AFF3: variants seen among roughly 807,000 people sequenced by gnomAD.
AFF3 encodes the protein AF4/FMR2 family member 3.
In AFF3, 32 loss-of-function variants were observed where a neutral mutation model predicts 129.7. The observed-to-expected ratio is 0.25, with a 90% CI of 0.19 to 0.33. The LOEUF (loss-of-function observed/expected upper bound fraction) is 0.33. AFF3 is among the 10% of genes least tolerant of loss of function. The probability of loss-of-function intolerance (pLI) is 1.00; values close to 1 mark genes in which losing one functional copy is unlikely to be tolerated. For synonymous variants in AFF3, 644 were observed against 635.4 expected (o/e 1.01, Z -0.20); for missense variants, 1,373 against 1,592.0 (o/e 0.86, Z 2.34).
intron 7 of AFF3, among the ~76,000 whole-genome samples, chr2:99,939,077 CTT>C (rs1046942549): frequency 5.9e-5 from 9 of 152,322 alleles, no homozygotes; most frequent in South Asian, 2.1e-4. Context: ...CTCTCTCTCT[CTT>C]GGTCTGACAT....
chr2:99,898,917 C>A (rs1694170044), intron 7 of AFF3, among the ~76,000 whole-genome samples: 1 of 152,208 alleles, frequency 6.6e-6, no homozygotes, highest in Non-Finnish European at 1.5e-5. Context: ...CTCCTCCCCA[C>A]CAGCAGCCCA....
intron 11 of AFF3, among the ~76,000 whole-genome samples, chr2:99,705,893 A>AAC (rs1440221374): frequency 1.3e-5 from 2 of 151,306 alleles, no homozygotes; most frequent in African/African-American, 4.9e-5. Context: ...AAAAAAAAAA[A>AAC]AAAAAAACAC....
At chr2:99,565,851 T>C (rs1227751428) in intron 19 of AFF3, among the ~76,000 whole-genome samples, 1 of 152,210 alleles carries the variant, frequency 6.6e-6, no homozygotes, top group Non-Finnish European at 1.5e-5. Flanking sequence ...ATCAAACCCA[T>C]GTGACAGCTG....
intron 11 of AFF3, among the ~76,000 whole-genome samples, chr2:99,710,405 C>T (rs112134876): frequency 0.046 from 7,046 of 152,104 alleles, 292 homozygotes; most frequent in Non-Finnish European, 0.062. Flanking sequence ...TACAGGCGTG[C>T]GCTACCATGC....
intron 7 of AFF3, among the ~76,000 whole-genome samples, chr2:99,873,728 G>T (rs1213032058): frequency 5.0e-5 from 7 of 138,824 alleles, no homozygotes; most frequent in South Asian, 2.3e-4. Context: ...CATCTTAGTG[G>T]TTTTTTTTTT....
chr2:99,722,335 T>G (rs1401370120), intron 11 of AFF3, among the ~76,000 whole-genome samples: 1 of 152,256 alleles, frequency 6.6e-6, no homozygotes, highest in Non-Finnish European at 1.5e-5. Context: ...CACTGTAAAT[T>G]TTGTTTTAGA....
At chr2:99,762,010 G>A (rs983943196) in intron 8 of AFF3, among the ~76,000 whole-genome samples, 1 of 151,614 alleles carries the variant, frequency 6.6e-6, no homozygotes, top group African/African-American at 2.4e-5. Flanking sequence ...TTCCTTTCAC[G>A]TTATTCCATC....
chr2:99,908,130 G>A (rs1383447907), intron 7 of AFF3, among the ~76,000 whole-genome samples: 3 of 152,162 alleles, frequency 2.0e-5, no homozygotes, highest in African/African-American at 7.2e-5. Context: ...ACCAATAACT[G>A]GTCACCTATT....
intron 8 of AFF3, among the ~76,000 whole-genome samples, chr2:99,768,277 C>T (rs893225095): frequency 3.3e-5 from 5 of 152,096 alleles, no homozygotes; most frequent in African/African-American, 1.2e-4. Flanking sequence ...TGAAACCCCC[C>T]AGGATCCTAA....
chr2:99,891,973 C>T lies in AFF3; in HGVS notation c.874-54449G>A, dbSNP rs1020381600. Among the ~76,000 whole-genome samples, 3 of 152,302 alleles carry T rather than the reference C, an allele frequency of 2.0e-5. No homozygotes were observed. In the South Asian group the frequency reaches 6.2e-4, roughly 32 times the overall value. On this transcript the variant is annotated intron_variant, in intron 7 of 24. Coordinates refer to ENST00000672756, the MANE Select transcript of AFF3 (RefSeq NM_001386135.1). ...GAGTAGCTGGGACTACAGGCACCCG[C>T]CACCATGCCCGGCTCATTTTTTGTA...
At chr2:99,693,430 T>C (rs1048436397) in intron 11 of AFF3, among the ~76,000 whole-genome samples, 4 of 152,204 alleles carry the variant, frequency 2.6e-5, no homozygotes, top group Non-Finnish European at 5.9e-5. Flanking sequence ...GTTGATATAC[T>C]ATTAGGATTT....
intron 10 of AFF3, among the ~76,000 whole-genome samples, chr2:99,740,542 T>C (rs1188415454): frequency 1.3e-5 from 2 of 148,742 alleles, no homozygotes; most frequent in African/African-American, 4.9e-5. Flanking sequence ...GTGGTTTTGA[T>C]TTGCATTTCT....
intron 4 of AFF3, among the ~76,000 whole-genome samples, chr2:100,053,549 A>G (rs1162243760): frequency 6.6e-6 from 1 of 152,236 alleles, no homozygotes; most frequent in African/African-American, 2.4e-5. Context: ...ATGTATAAGA[A>G]GCACCTAGAA....
chr2:99,884,762 C>G (rs1245410076), intron 7 of AFF3, among the ~76,000 whole-genome samples: 1 of 151,588 alleles, frequency 6.6e-6, no homozygotes, highest in East Asian at 1.9e-4. Flanking sequence ...TATGTCTATA[C>G]CACTCATCCA....
In AFF3 at chr2:100,066,973, A is replaced by G. The variant is rs1307705865; in HGVS notation, c.53+37429T>C. ...GGGACAGATATTTGGAGAACCTGAC[A>G]AAAGTCTGAGAGCTTCTACAAACAC... On this transcript the variant is annotated intron_variant, in intron 4 of 24. Transcript: ENST00000672756. Among the ~76,000 whole-genome samples, 6 of 152,328 alleles carry G rather than the reference A, an allele frequency of 3.9e-5. No individual in the cohort carries two copies. In the East Asian group the frequency reaches 1.2e-3, roughly 29 times the overall value.
intron 1 of AFF3, among the ~76,000 whole-genome samples, chr2:100,132,953 G>A (rs944672803): frequency 3.3e-5 from 5 of 150,700 alleles, no homozygotes; most frequent in African/African-American, 9.7e-5. Flanking sequence ...TTTTAGATAC[G>A]GGGTTTTGCT....
rs114532707 is a variant in AFF3, at chr2:99,828,317, G to C, written c.921+9160C>G. 7.9e-3 allele frequency among the ~76,000 whole-genome samples: 1,196 copies of C among 152,318 alleles called. 15 individuals carry two copies. Among genetic ancestry groups the C allele is most frequent in the African/African-American group, 0.027 (1,126 of 41,568 alleles). Reference sequence around the variant, plus strand: ...GGAATAAGTTACCCTTCAAGGAAGAGAGCATAGTTTGGTTACTGTGATCCT... The same window carrying C: ...GGAATAAGTTACCCTTCAAGGAAGACAGCATAGTTTGGTTACTGTGATCCT... On this transcript the variant is annotated intron_variant, in intron 8 of 24. Transcript: ENST00000672756.
chr2:99,649,777 G>A, intron 12 of AFF3, 111 bp from the exon 13 acceptor site: 1 of 1,215,528 alleles, frequency 8.2e-7, no homozygotes, highest in Non-Finnish European at 1.2e-6. Flanking sequence ...TTTGCCATGT[G>A]GCCAAATTTT....
chr2:100,063,670 A>G (rs745958604), intron 4 of AFF3, among the ~76,000 whole-genome samples: 1 of 152,182 alleles, frequency 6.6e-6, no homozygotes, highest in Admixed American at 6.5e-5. Context: ...AATATGTCTC[A>G]TCGGAGACCT....
Sources: allele counts gnomAD v4.1 joint callset (sites outside exome capture counted in the v4.1 genomes callset), GRCh38; gene constraint gnomAD v4.1.1; transcripts MANE v1.5; gene names NCBI Gene and HGNC (gene_info 2026-07-23, HGNC 2026-07-21).